SLC5A8: variants seen among roughly 807,000 people sequenced by gnomAD.
SLC5A8 encodes solute carrier family 5 member 8.
SLC5A8 carries 55 observed loss-of-function variants against 71.9 expected under a neutral mutation model. The observed-to-expected ratio is 0.77, with a 90% CI of 0.62 to 0.96. The LOEUF is 0.96. SLC5A8 is among the 40% of genes least tolerant of loss of function. SLC5A8 has a pLI of 0.00. For synonymous variants in SLC5A8, 307 were observed against 276.1 expected, an observed-to-expected ratio of 1.11 and a Z score of -1.11; for missense variants, 701 against 745.3, an observed-to-expected ratio of 0.94 and a Z score of 0.69.
At chr12:101,200,822 G>A (rs1308159329) in intron 3 of SLC5A8, among the ~76,000 whole-genome samples, 3 of 152,104 alleles carry the variant, frequency 2.0e-5, no homozygotes. Flanking sequence ...TTCTCTCTTA[G>A]TATTTGTATG....
chr12:101,204,508 C>A lies in SLC5A8; in HGVS notation c.409G>T (p.Val137Phe), dbSNP rs764838924. Residue 137 changes from valine (V) to phenylalanine (F), a missense_variant, in exon 2 of 15, where the codon GTT (valine) becomes TTT (phenylalanine). Physicochemically the swap from Val to Phe is conservative, Grantham distance 50 (BLOSUM62 -1). Coordinates refer to ENST00000536262, the MANE Select transcript of SLC5A8 (RefSeq NM_145913.5). ...AATGGAGAGCTACTTACTGTTTGAA[C>A]AATGAAGAGGACTGTTCCACAGAGA... ...VRLCGTVLFI[V>F]QTILYTGIVI... 6.3e-7 allele frequency: 1 copy of A among 1,593,178 alleles called. No homozygotes were observed. Among genetic ancestry groups the A allele is most frequent in the African/African-American group, 1.4e-5 (1 of 73,376 alleles).
intron 12 of SLC5A8, among the ~76,000 whole-genome samples, chr12:101,162,292 C>T (rs1402057836): frequency 6.6e-6 from 1 of 152,202 alleles, no homozygotes; most frequent in African/African-American, 2.4e-5. Context: ...CATGTTTATT[C>T]ATTCAATTCT....
chr12:101,207,559 T>G (rs1037541322), intron 1 of SLC5A8, among the ~76,000 whole-genome samples: 1 of 152,086 alleles, frequency 6.6e-6, no homozygotes, highest in Non-Finnish European at 1.5e-5. Flanking sequence ...TCTGCTTGAG[T>G]TAATGTTGTA....
rs1232916977 is a variant in SLC5A8, at chr12:101,193,611, T to C, written c.692+14A>G. ...CAAAAGATGTGTTCAGTTACCCAAG[T>C]ACTAGACACTTACTTCCAGAAATTT... On this transcript the variant is annotated intron_variant, in intron 5 of 14. Coordinates refer to ENST00000536262, the MANE Select transcript of SLC5A8 (RefSeq NM_145913.5). The C allele has an allele frequency of 6.2e-7, 1 of 1,611,372 alleles. No individual in the cohort carries two copies. The highest frequency in any genetic ancestry group is 1.1e-5 in the South Asian group (1 of 90,460).
At chr12:101,182,637 T>C (rs142387347) in intron 9 of SLC5A8, among the ~76,000 whole-genome samples, 166 bp downstream of exon 9, 135 of 152,362 alleles carry the variant, frequency 8.9e-4, no homozygotes, top group Middle Eastern at 6.8e-3. Flanking sequence ...ACATTAAACA[T>C]TGATACAAAC....
At chr12:101,166,354 C>T in intron 12 of SLC5A8, 140 bp downstream of exon 12, 1 of 628,106 alleles carries the variant, frequency 1.6e-6, no homozygotes, top group Non-Finnish European at 2.6e-6. Flanking sequence ...GCAGAAAATA[C>T]TATAGCTAAC....
chr12:101,188,483 TC>T (rs1868759643), intron 6 of SLC5A8, among the ~76,000 whole-genome samples: 1 of 152,114 alleles, frequency 6.6e-6, no homozygotes, highest in African/African-American at 2.4e-5. Flanking sequence ...GAAGTCTGCA[TC>T]CAATGACAAA....
intron 10 of SLC5A8, among the ~76,000 whole-genome samples, chr12:101,179,004 G>T (rs1395906042): frequency 6.6e-6 from 1 of 152,124 alleles, no homozygotes; most frequent in Non-Finnish European, 1.5e-5. Flanking sequence ...AAGACATTAT[G>T]AGATAATGTA....
intron 10 of SLC5A8, among the ~76,000 whole-genome samples, chr12:101,177,748 C>A (rs1032289026): frequency 7.9e-5 from 12 of 151,936 alleles, no homozygotes; most frequent in Admixed American, 6.6e-4. Flanking sequence ...ATTCAACTGC[C>A]ATTTATGGTG....
At chr12:101,189,496 T>G (rs1868807212) in intron 6 of SLC5A8, among the ~76,000 whole-genome samples, 3 of 152,192 alleles carry the variant, frequency 2.0e-5, no homozygotes, top group African/African-American at 7.2e-5. Context: ...CCCTGGACTC[T>G]TATTCAATCT....
At position 101,209,490 on chromosome 12, in the gene SLC5A8, C is replaced by T. The variant is rs747984669; in HGVS notation, c.351+8G>A. On this transcript the variant is annotated splice_region_variant and intron_variant, in intron 1 of 14. Transcript: ENST00000536262. ...CCCTGCATGGTCCCAGCCCACCCTG[C>T]CCCTTACCTCGTAGGTGCTGGTAAT... 1.3e-6 allele frequency: 2 copies of T among 1,562,170 alleles called. No individual in the cohort carries two copies. Among genetic ancestry groups the T allele is most frequent in the South Asian group, 1.2e-5 (1 of 83,986 alleles).
At chr12:101,174,532 G>A (rs1375055817) in intron 10 of SLC5A8, among the ~76,000 whole-genome samples, 1 of 152,118 alleles carries the variant, frequency 6.6e-6, no homozygotes, top group Non-Finnish European at 1.5e-5. Flanking sequence ...TTCATAAAGG[G>A]TATTTAAGCT....
Position 101,158,842 on chromosome 12 carries a change from G to T in SLC5A8, c.1631-514C>A, listed in dbSNP as rs118157597. 3.9e-3 allele frequency among the ~76,000 whole-genome samples: 575 copies of T among 149,326 alleles called. 11 individuals carry two copies. The East Asian group carries it at 0.046, about 12-fold the overall frequency. On this transcript the variant is annotated intron_variant, in intron 13 of 14. Transcript: ENST00000536262. Reference sequence around the variant, plus strand: ...CACTTTGTTGGCTACAAATATACATGTCTATGAAGAAATGCAGGCAATTCG... The same window carrying T: ...CACTTTGTTGGCTACAAATATACATTTCTATGAAGAAATGCAGGCAATTCG...
intron 6 of SLC5A8, among the ~76,000 whole-genome samples, chr12:101,190,099 C>T (rs1484723026): frequency 6.6e-6 from 1 of 152,178 alleles, no homozygotes; most frequent in African/African-American, 2.4e-5. Flanking sequence ...TATATCATTT[C>T]ATGAAACTGT....
chr12:101,188,469 G>A lies in SLC5A8; in HGVS notation c.834-954C>T, dbSNP rs367611143. Among the ~76,000 whole-genome samples, 96 of 152,126 alleles carry A rather than the reference G, an allele frequency of 6.3e-4. 1 individual carries two copies. Among genetic ancestry groups the A allele is most frequent in the Admixed American group, 3.6e-3 (55 of 15,272 alleles). The stretch of plus-strand genomic sequence containing the variant: ...TCATGCCTCCTTCTTCCCAACCCCC[G>A]CAGGAAGTCTGCATCCAATGACAAA... On this transcript the variant is annotated intron_variant, in intron 6 of 14. Transcript: ENST00000536262.
intron 1 of SLC5A8, among the ~76,000 whole-genome samples, chr12:101,205,388 G>T (rs1869635639): frequency 6.6e-6 from 1 of 151,970 alleles, no homozygotes; most frequent in African/African-American, 2.4e-5. Flanking sequence ...CTTGAAATCT[G>T]CTATGTCTTA....
intron 3 of SLC5A8, chr12:101,199,165 A>G (rs1264321817): frequency 6.6e-6 from 1 of 152,024 alleles, no homozygotes; most frequent in Non-Finnish European, 1.5e-5. Context: ...AAAAACAACA[A>G]TTATCTAGGA....
At chr12:101,175,602 G>GA (rs567989537) in intron 10 of SLC5A8, among the ~76,000 whole-genome samples, 86 of 151,010 alleles carry the variant, frequency 5.7e-4, no homozygotes, top group East Asian at 2.1e-3. Context: ...GAAAACTAAA[G>GA]AAAAAACAAA....
Position 101,157,315 on chromosome 12 carries a change from T to C in SLC5A8, c.1797A>G (p.Ser599=), listed in dbSNP as rs762395101. The C allele has an allele frequency of 5.6e-6, 9 of 1,613,490 alleles. No individual in the cohort carries two copies. Among genetic ancestry groups the C allele is most frequent in the Admixed American group, 1.7e-5 (1 of 59,910 alleles). The part of the protein sequence containing the change: ...NPAFNHIELN[S]DQSGKSNGTR... ...TCCCATTGCTCTTGCCACTCTGATC[T>C]GAGTTCAATTCAATGTGGTTGAAAG... Residue 599 remains serine, a synonymous_variant, in exon 15 of 15, where the codon TCA becomes TCG. Transcript: ENST00000536262.
Sources: gnomAD v4.1 joint callset for allele counts (sites outside exome capture counted in the v4.1 genomes callset) on GRCh38, gnomAD v4.1.1 for gene constraint, MANE v1.5 for transcripts, NCBI Gene and HGNC (gene_info 2026-07-23, HGNC 2026-07-21) for gene names.